Variants in FCRL5 observed in about 807,000 individuals in gnomAD.
The protein encoded by FCRL5 is Fc receptor-like protein 5.
Under a neutral mutation model 92.1 loss-of-function variants are expected in FCRL5, and 79 were observed. That is an observed-to-expected ratio of 0.86 (90% CI 0.72 to 1.03). The LOEUF (loss-of-function observed/expected upper bound fraction) is 1.03, where lower values mean the gene tolerates loss of function less well. FCRL5 is among the 50% of genes least tolerant of loss of function. FCRL5 has a pLI of 0.00. For synonymous variants in FCRL5, 466 were observed against 469.3 expected (o/e 0.99, Z 0.09); for missense variants, 1,160 against 1,181.1 (o/e 0.98, Z 0.26).
At position 157,534,665 on chromosome 1, in the gene FCRL5, C is replaced by G. The variant is rs1346267286; in HGVS notation, c.1630G>C (p.Asp544His). The change falls in exon 8 of 17, where the codon GAC becomes CAC. Residue 544 changes from aspartate (D) to histidine (H), a missense_variant. Coordinates refer to ENST00000361835, the MANE Select transcript of FCRL5 (RefSeq NM_031281.3). Reference sequence around the variant, plus strand: ...CTGCGCTGGGGACCAAAGCCATTGTCAGCTGTGCAGTAGTAATTCCCTGAA... The same window carrying G: ...CTGCGCTGGGGACCAAAGCCATTGTGAGCTGTGCAGTAGTAATTCCCTGAA... ...GHSGNYYCTA[D>H]NGFGPQRSEV... The G allele has an allele frequency of 1.2e-6, 2 of 1,614,162 alleles. No homozygotes were observed. Among genetic ancestry groups the G allele is most frequent in the Admixed American group, 3.3e-5 (2 of 60,024 alleles).
intron 8 of FCRL5, 148 bp from the exon 9 acceptor site, chr1:157,528,043 G>T (rs1650518137): frequency 2.2e-6 from 2 of 904,888 alleles, no homozygotes; most frequent in Non-Finnish European, 1.6e-6. Flanking sequence ...GTTCACTGAT[G>T]ACATGATTGT....
chr1:157,521,179 G>C lies in FCRL5; in HGVS notation c.2353C>G (p.Arg785Gly), dbSNP rs138181956. The change falls in exon 11 of 17, where the codon CGG becomes GGG. Residue 785 changes from arginine to glycine, a missense_variant. By Grantham distance (125) the Arg-to-Gly change is moderately radical. Transcript: ENST00000361835. ...AGGGTGACATCCTCATGAAAAAACC[G>C]GTACAGGATCAGGGGAGAGCCTCTC... ...ALRGSPLILYRFFHEDVTLGN... is the reference protein window; with the variant it reads ...ALRGSPLILYGFFHEDVTLGN... The C allele has an allele frequency of 1.2e-3, 1,867 of 1,614,110 alleles. 1 individual carries two copies. Among genetic ancestry groups the C allele is most frequent in the Non-Finnish European group, 1.4e-3 (1,630 of 1,180,022 alleles).
At chr1:157,530,420 G>C (rs183604049) in intron 8 of FCRL5, among the ~76,000 whole-genome samples, 83 of 152,324 alleles carry the variant, frequency 5.4e-4, no homozygotes, top group African/African-American at 1.9e-3. Flanking sequence ...AGGCTGGAGT[G>C]CAATGGCGCG....
Position 157,544,381 on chromosome 1 carries a change from G to A in FCRL5, c.725C>T (p.Ser242Phe). ...CATGGCAGTAATCTGGAAATTCGGG[G>A]AGAGACTCCAGCCTAATCCCAGGGT... ...DQTLGLGWSL[S>F]PNFQITAMWS... The change falls in exon 5 of 17, where the codon TCC becomes TTC. Residue 242 changes from serine (S) to phenylalanine (F), a missense_variant. Transcript: ENST00000361835. 1 of 1,614,202 alleles carries A rather than the reference G, an allele frequency of 6.2e-7. No homozygotes were observed. Among genetic ancestry groups the A allele is most frequent in the Non-Finnish European group, 8.5e-7 (1 of 1,180,038 alleles).
intron 2 of FCRL5, among the ~76,000 whole-genome samples, chr1:157,549,050 G>C (rs1015453759): frequency 7.2e-5 from 11 of 152,006 alleles, no homozygotes; most frequent in African/African-American, 2.4e-4. Context: ...GTCCAACAAT[G>C]ATAGACTGGA....
chr1:157,518,634 C>G (rs1012922619), intron 14 of FCRL5, 66 bp downstream of exon 14: 10 of 1,511,022 alleles, frequency 6.6e-6, no homozygotes, highest in Non-Finnish European at 9.1e-6. Context: ...CTCCCCATCT[C>G]CTGCCCCACC....
chr1:157,542,494 C>T (rs1651313300), intron 6 of FCRL5: 1 of 219,408 alleles, frequency 4.6e-6, no homozygotes, highest in Non-Finnish European at 9.1e-6. Context: ...ACAGGAGATA[C>T]CTCTGTGCTC....
Position 157,549,594 on chromosome 1 carries a change from A to C in FCRL5, c.32-14T>G, listed in dbSNP as rs754512702. 1 of 1,603,936 alleles carries C rather than the reference A, an allele frequency of 6.2e-7. No homozygotes were observed. The highest frequency in any genetic ancestry group is 1.1e-5 in the South Asian group (1 of 90,544). On this transcript the variant is annotated splice_polypyrimidine_tract_variant and intron_variant, in intron 1 of 16. Transcript: ENST00000361835. ...CACTGACAGGAGCTGCAAAAAAATAAGAGCCAGAGATGAGCACAGAACCAT... is the reference window on the plus strand; with the variant it reads ...CACTGACAGGAGCTGCAAAAAAATACGAGCCAGAGATGAGCACAGAACCAT...
intron 5 of FCRL5, 68 bp from the exon 6 acceptor site, chr1:157,543,205 G>T (rs2101639188): frequency 6.7e-7 from 1 of 1,489,378 alleles, no homozygotes; most frequent in East Asian, 2.3e-5. Flanking sequence ...GGCATGGCCA[G>T]TGCAAATGCC....
chr1:157,514,366 G>A lies in FCRL5; in HGVS notation c.*1309C>T, dbSNP rs995492556. 1 of 152,236 alleles carries A rather than the reference G, an allele frequency of 6.6e-6. No homozygotes were observed. Among genetic ancestry groups the A allele is most frequent in the Non-Finnish European group, 1.5e-5 (1 of 68,046 alleles). The allele number at this position is 152,236 out of a possible 1,614,324, so 9.4% of individuals were successfully genotyped here. A position where few individuals can be genotyped will look rare whatever the true frequency, so the allele number is the denominator to read the frequency against. ...GGGAAAGTGTGAGGCCTGAGGTGGG[G>A]AAACAAAGATAGTGGCAGCTACTTT... is the stretch of plus-strand genomic sequence containing the variant. On this transcript the variant is annotated 3_prime_UTR_variant, in exon 17 of 17. Transcript: ENST00000361835.
chr1:157,547,394 C>A (rs1310235158), intron 2 of FCRL5, 197 bp from the exon 3 acceptor site: 2 of 770,342 alleles, frequency 2.6e-6, no homozygotes, highest in Admixed American at 3.5e-5. Context: ...CAGGGGATGG[C>A]AATGAGCAAA....
At chr1:157,522,733 G>T (rs1208009879) in intron 10 of FCRL5, 1 of 152,192 alleles carries the variant, frequency 6.6e-6, no homozygotes, top group Non-Finnish European at 1.5e-5. Flanking sequence ...AAACCCTTTA[G>T]CTGTGATAAC....
In FCRL5 at chr1:157,534,803, T is replaced by G. The variant is rs1386323447; in HGVS notation, c.1492A>C (p.Arg498=). 3 of 1,611,394 alleles carry G rather than the reference T, an allele frequency of 1.9e-6. No homozygotes were observed. The East Asian group carries it at 6.7e-5, about 36-fold the overall frequency. Residue 498 remains arginine, a synonymous_variant, in exon 8 of 17, where the codon AGA becomes CGA. Transcript: ENST00000361835. ...TGGTATAGGATTTGTGGGGAACCTC[T>G]CTGGACTTCACAGTGAAGTGTCACA... is the stretch of plus-strand genomic sequence containing the variant. ...ATVTLHCEVQ[R]GSPQILYQFY...
At chr1:157,547,309 C>A in intron 2 of FCRL5, 112 bp from the exon 3 acceptor site, 11 of 1,394,550 alleles carry the variant, frequency 7.9e-6, no homozygotes, top group Non-Finnish European at 1.1e-5. Context: ...GAAAGAGGTC[C>A]TCTGGGAGGG....
intron 11 of FCRL5, 31 bp from the exon 12 acceptor site, chr1:157,520,578 G>A: frequency 6.5e-7 from 1 of 1,543,562 alleles, no homozygotes; most frequent in South Asian, 1.2e-5. Context: ...GTGAGCCAGA[G>A]GAGAGGCTGT....
intron 4 of FCRL5, 75 bp downstream of exon 4, chr1:157,544,755 TC>T: frequency 1.3e-6 from 2 of 1,569,984 alleles, no homozygotes; most frequent in Non-Finnish European, 1.7e-6. Context: ...TCCACCCTTT[TC>T]CTCCTGTTCT....
rs147730485 is a variant in FCRL5 at position 157,526,295 on chromosome 1, G to C, written c.1960+1322C>G. 5.9e-4 allele frequency among the ~76,000 whole-genome samples: 90 copies of C among 152,300 alleles called. 1 individual carries two copies. The East Asian group carries it at 0.012, about 21-fold the overall frequency. ...GGATTTAAAGCCTTGAAGGTCATCG[G>C]TGACCTTTGTGAGAAACATTTTGGT... is the stretch of plus-strand genomic sequence containing the variant. On this transcript the variant is annotated intron_variant, in intron 9 of 16. Coordinates refer to ENST00000361835, the MANE Select transcript of FCRL5 (RefSeq NM_031281.3).
chr1:157,524,619 A>G (rs1041778555), intron 9 of FCRL5, 62 bp from the exon 10 acceptor site: 1 of 1,485,332 alleles, frequency 6.7e-7, no homozygotes, highest in South Asian at 1.4e-5. Flanking sequence ...TTCATGCTAA[A>G]GACATTTCAA....
chr1:157,542,994 G>A lies in FCRL5; in HGVS notation c.988C>T (p.His330Tyr), dbSNP rs770217688. ...RFYHEGVPLRHKSVRCERGAS... is the reference protein window; with the variant it reads ...RFYHEGVPLRYKSVRCERGAS... ...CCCCTTTCACAGCGGACTGACTTGTGCCTCAGGGGGACACCCTCATGATAA... is the reference window on the plus strand; with the variant it reads ...CCCCTTTCACAGCGGACTGACTTGTACCTCAGGGGGACACCCTCATGATAA... Residue 330 changes from histidine to tyrosine, a missense_variant, in exon 6 of 17, where the codon CAC (histidine) becomes TAC (tyrosine). Coordinates refer to ENST00000361835, the MANE Select transcript of FCRL5 (RefSeq NM_031281.3). 10 of 1,614,098 alleles carry A rather than the reference G, an allele frequency of 6.2e-6. No homozygotes were observed.
Sources: allele counts gnomAD v4.1 joint callset (sites outside exome capture counted in the v4.1 genomes callset), GRCh38; gene constraint gnomAD v4.1.1; transcripts MANE v1.5; gene names NCBI Gene and HGNC (gene_info 2026-07-23, HGNC 2026-07-21).